The following GLCE variants were observed in gnomAD, a reference collection of about 807,000 sequenced individuals.
The protein encoded by GLCE is D-glucuronyl C5-epimerase.
GLCE carries 19 observed loss-of-function variants against 47.9 expected under a neutral mutation model. The ratio of observed to expected loss-of-function variants is 0.40; its 90% CI spans 0.28 to 0.58. The LOEUF (loss-of-function observed/expected upper bound fraction) is 0.58, where lower values mean the gene tolerates loss of function less well. Among genes scored for constraint, GLCE ranks in the 20% least tolerant of loss-of-function variants. GLCE has a pLI of 0.48. For missense variants in GLCE, 556 were observed against 743.3 expected, an observed-to-expected ratio of 0.75 and a Z score of 2.93; for synonymous variants, 245 against 263.4, an observed-to-expected ratio of 0.93 and a Z score of 0.68.
At chr15:69,259,075 A>G (rs373410688) in intron 3 of GLCE, among the ~76,000 whole-genome samples, 8 of 152,096 alleles carry the variant, frequency 5.3e-5, no homozygotes, top group African/African-American at 1.7e-4. Context: ...GCCATCATGG[A>G]CCATTGTTTT....
intron 2 of GLCE, among the ~76,000 whole-genome samples, chr15:69,235,093 CTTTTTTTTTTTTTTTTTTTTTTT>C (rs869212730): frequency 3.2e-5 from 2 of 62,878 alleles, no homozygotes; most frequent in African/African-American, 1.5e-4. Context: ...GAAGATTATT[CTTTTTTTTTTTTTTTTTTTTTTT>C]TTTTTTTTTG....
intron 1 of GLCE, among the ~76,000 whole-genome samples, chr15:69,165,488 A>G (rs1199254658): frequency 6.8e-6 from 1 of 146,016 alleles, no homozygotes; most frequent in East Asian, 2.0e-4. Context: ...TTTAAGATAC[A>G]ACGTAAGCAC....
intron 4 of GLCE, among the ~76,000 whole-genome samples, chr15:69,266,398 C>T (rs930403364): frequency 1.3e-5 from 2 of 151,998 alleles, no homozygotes; most frequent in African/African-American, 4.8e-5. Flanking sequence ...GTGATCATAG[C>T]TTACTTCAGC....
At chr15:69,162,784 G>A (rs371995827) in intron 1 of GLCE, among the ~76,000 whole-genome samples, 2 of 151,952 alleles carry the variant, frequency 1.3e-5, no homozygotes, top group African/African-American at 4.8e-5. Flanking sequence ...AAGGTCTTGC[G>A]CTGTTGCCCA....
intron 1 of GLCE, among the ~76,000 whole-genome samples, chr15:69,177,832 G>T (rs1255665341): frequency 1.3e-5 from 2 of 152,030 alleles, no homozygotes; most frequent in Middle Eastern, 6.3e-3. Flanking sequence ...GTATTTTCTA[G>T]AGTTTTATAT....
chr15:69,245,656 T>TC (rs2052736414), intron 2 of GLCE, among the ~76,000 whole-genome samples: 1 of 152,204 alleles, frequency 6.6e-6, no homozygotes, highest in Non-Finnish European at 1.5e-5. Context: ...GAGTCAATCC[T>TC]CCCAAACCCT....
In GLCE at chr15:69,267,327, T is replaced by C. The variant is rs149892981; in HGVS notation, c.830-893T>C. Among the ~76,000 whole-genome samples the C allele has an allele frequency of 4.5e-3, 684 of 152,342 alleles. 7 individuals are homozygous for C. The highest frequency in any genetic ancestry group is 0.014 in the African/African-American group (600 of 41,586). On this transcript the variant is annotated intron_variant, in intron 4 of 4. Transcript: ENST00000261858. ...CTCACAATTACCCTGCAAAGTAATATTATCTCTATTTAACATGTGAAGAAA... is the reference window on the plus strand; with the variant it reads ...CTCACAATTACCCTGCAAAGTAATACTATCTCTATTTAACATGTGAAGAAA...
chr15:69,215,949 A>G (rs530915445), intron 2 of GLCE, among the ~76,000 whole-genome samples: 9 of 152,190 alleles, frequency 5.9e-5, no homozygotes, highest in East Asian at 1.9e-4. Context: ...AGTCTTTCCA[A>G]TATCTTTTTG....
intron 2 of GLCE, among the ~76,000 whole-genome samples, chr15:69,241,764 G>A (rs562537534): frequency 6.6e-6 from 1 of 152,324 alleles, no homozygotes; most frequent in South Asian, 2.1e-4. Context: ...ATCAGAAACT[G>A]TGGGGTTTGT....
At chr15:69,216,716 A>G (rs1003256300) in intron 2 of GLCE, among the ~76,000 whole-genome samples, 4 of 152,140 alleles carry the variant, frequency 2.6e-5, no homozygotes, top group African/African-American at 9.6e-5. Flanking sequence ...GAACTTTACT[A>G]TATTACACAA....
chr15:69,252,069 C>A (rs1355529930), intron 2 of GLCE, among the ~76,000 whole-genome samples: 2 of 152,064 alleles, frequency 1.3e-5, no homozygotes, highest in African/African-American at 2.4e-5. Context: ...TTACTCATTT[C>A]TTTAAGAAGC....
At chr15:69,182,604 T>C (rs1287574548) in intron 1 of GLCE, among the ~76,000 whole-genome samples, 1 of 151,916 alleles carries the variant, frequency 6.6e-6, no homozygotes, top group African/African-American at 2.4e-5. Flanking sequence ...CATGGGAAGG[T>C]AAAAGGAAGT....
At chr15:69,215,162 A>G (rs936227578) in intron 2 of GLCE, among the ~76,000 whole-genome samples, 1 of 152,168 alleles carries the variant, frequency 6.6e-6, no homozygotes, top group Admixed American at 6.6e-5. Context: ...TCACATATCT[A>G]CCAACAGCAG....
At chr15:69,250,857 C>G (rs1191191362) in intron 2 of GLCE, among the ~76,000 whole-genome samples, 1 of 150,556 alleles carries the variant, frequency 6.6e-6, no homozygotes, top group Non-Finnish European at 1.5e-5. Context: ...AAATAAAGAC[C>G]TATATATGCA....
At chr15:69,255,707 TAA>T (rs574573281) in intron 2 of GLCE, 85 bp from the exon 3 acceptor site, 2,904 of 642,312 alleles carry the variant, frequency 4.5e-3, no homozygotes, top group South Asian at 9.7e-3. Context: ...TGTTCAACAT[TAA>T]AAAAAAAAAA....
At chr15:69,233,090 C>G (rs2140407093) in intron 2 of GLCE, among the ~76,000 whole-genome samples, 1 of 152,238 alleles carries the variant, frequency 6.6e-6, no homozygotes, top group South Asian at 2.1e-4. Flanking sequence ...AGGATAGTTT[C>G]TCATTTTCCC....
intron 1 of GLCE, among the ~76,000 whole-genome samples, chr15:69,170,784 A>G (rs1010323228): frequency 6.6e-6 from 1 of 152,228 alleles, no homozygotes; most frequent in Non-Finnish European, 1.5e-5. Context: ...CTGTAAGACA[A>G]GTGGCCTTAG....
intron 1 of GLCE, among the ~76,000 whole-genome samples, chr15:69,207,930 T>A (rs776148089): frequency 7.9e-5 from 12 of 152,096 alleles, no homozygotes; most frequent in Non-Finnish European, 1.5e-4. Flanking sequence ...TGTTTTTGTT[T>A]GTTTGTTTGT....
intron 1 of GLCE, among the ~76,000 whole-genome samples, chr15:69,164,514 G>A (rs1312157391): frequency 6.7e-6 from 1 of 149,636 alleles, no homozygotes; most frequent in African/African-American, 2.4e-5. Flanking sequence ...TGTGTATGTT[G>A]TTATATACAT....
Sources: gnomAD v4.1 joint callset for allele counts (sites outside exome capture counted in the v4.1 genomes callset) on GRCh38, gnomAD v4.1.1 for gene constraint, MANE v1.5 for transcripts, NCBI Gene and HGNC (gene_info 2026-07-23, HGNC 2026-07-21) for gene names.